Variants in DACH1 observed in about 807,000 individuals in gnomAD.
The protein encoded by DACH1 is dachshund homolog 1.
A neutral mutation model predicts 54.2 loss-of-function variants in DACH1; 12 were observed. The ratio of observed to expected loss-of-function variants is 0.22; its 90% confidence interval spans 0.14 to 0.36. The LOEUF (loss-of-function observed/expected upper bound fraction) is 0.36. Among genes scored for constraint, DACH1 ranks in the 10% least tolerant of loss-of-function variants. DACH1 has a pLI of 1.00. For synonymous variants in DACH1, 386 were observed against 366.2 expected (o/e 1.05, Z -0.62); for missense variants, 805 against 929.8 (o/e 0.87, Z 1.75).
chr13:71,752,525 A>G (rs1884974217), intron 1 of DACH1, among the ~76,000 whole-genome samples: 1 of 149,496 alleles, frequency 6.7e-6, no homozygotes, highest in African/African-American at 2.5e-5. Context: ...TTGCTCAGTT[A>G]CTTAGCTATA....
chr13:71,811,223 A>C (rs1256019762), intron 1 of DACH1, among the ~76,000 whole-genome samples: 2 of 152,152 alleles, frequency 1.3e-5, no homozygotes, highest in African/African-American at 4.8e-5. Flanking sequence ...ACATATACAA[A>C]CATAAAATGT....
chr13:71,459,184 G>C (rs1039949549), intron 10 of DACH1, among the ~76,000 whole-genome samples: 1 of 151,726 alleles, frequency 6.6e-6, no homozygotes, highest in Non-Finnish European at 1.5e-5. Context: ...GCAGGATCTT[G>C]GTGTCTTTAA....
At chr13:71,778,209 GAC>G (rs1886148246) in intron 1 of DACH1, among the ~76,000 whole-genome samples, 1 of 151,862 alleles carries the variant, frequency 6.6e-6, no homozygotes, top group Non-Finnish European at 1.5e-5. Context: ...ATTTACAAAA[GAC>G]AATGCATTGC....
intron 1 of DACH1, among the ~76,000 whole-genome samples, chr13:71,852,806 G>A (rs1873760558): frequency 6.6e-6 from 1 of 152,124 alleles, no homozygotes; most frequent in South Asian, 2.1e-4. Context: ...GTATAGAAAC[G>A]AAAGACACTT....
At chr13:71,541,948 T>TC (rs1491206984) in intron 6 of DACH1, among the ~76,000 whole-genome samples, 1 of 137,288 alleles carries the variant, frequency 7.3e-6, no homozygotes, top group Non-Finnish European at 1.5e-5. Flanking sequence ...TTTTTTTTTT[T>TC]CATCTTCACA....
At chr13:71,577,701 T>G (rs986570182) in intron 3 of DACH1, among the ~76,000 whole-genome samples, 1 of 152,230 alleles carries the variant, frequency 6.6e-6, no homozygotes, top group East Asian at 1.9e-4. Context: ...ATATTATAAA[T>G]CAAATTTTAG....
At chr13:71,577,463 G>T (rs771783323) in intron 3 of DACH1, among the ~76,000 whole-genome samples, 4 of 152,136 alleles carry the variant, frequency 2.6e-5, no homozygotes, top group Non-Finnish European at 5.9e-5. Context: ...GTTCATAAAT[G>T]AGTGTGGTCC....
intron 7 of DACH1, among the ~76,000 whole-genome samples, chr13:71,484,756 A>G (rs1487116304): frequency 6.6e-6 from 1 of 152,190 alleles, no homozygotes; most frequent in Non-Finnish European, 1.5e-5. Context: ...CCTATGTGCC[A>G]AAAGGTTCTA....
At chr13:71,790,037 G>T (rs368016540) in intron 1 of DACH1, among the ~76,000 whole-genome samples, 1 of 152,026 alleles carries the variant, frequency 6.6e-6, no homozygotes, top group Non-Finnish European at 1.5e-5. Flanking sequence ...TTTATATGCC[G>T]CTCCATCTGG....
At chr13:71,624,687 A>G (rs897221328) in intron 3 of DACH1, among the ~76,000 whole-genome samples, 2 of 151,988 alleles carry the variant, frequency 1.3e-5, no homozygotes, top group Non-Finnish European at 2.9e-5. Context: ...TGATACTGTA[A>G]TTGAACTGGA....
chr13:71,742,525 C>T (rs1463539745), intron 1 of DACH1, among the ~76,000 whole-genome samples: 4 of 151,970 alleles, frequency 2.6e-5, no homozygotes, highest in African/African-American at 2.4e-5. Context: ...TTCATATTTA[C>T]TCCATTGGGG....
rs987175579 is a variant in DACH1, at chr13:71,570,641, G to T, written c.1299+2199C>A. 4.6e-5 allele frequency among the ~76,000 whole-genome samples: 7 copies of T among 152,090 alleles called. No homozygotes were observed. In the East Asian group the frequency reaches 1.4e-3, roughly 29 times the overall value. ...GTGAGATATCTCTATGACTTAGTAG[G>T]TGTTGGCACATATCTTAAAACATAA... On this transcript the variant is annotated intron_variant, in intron 4 of 10. Coordinates refer to ENST00000613252, the MANE Select transcript of DACH1 (RefSeq NM_080759.6).
intron 1 of DACH1, among the ~76,000 whole-genome samples, chr13:71,807,890 C>A (rs1887573360): frequency 6.7e-6 from 1 of 148,852 alleles, no homozygotes; most frequent in African/African-American, 2.4e-5. Context: ...AAAAAGTCCT[C>A]ATTATTTGCA....
intron 2 of DACH1, among the ~76,000 whole-genome samples, chr13:71,667,921 AT>A (rs1344575834): frequency 1.3e-5 from 2 of 152,098 alleles, no homozygotes; most frequent in African/African-American, 4.8e-5. Flanking sequence ...CTACTTAAAC[AT>A]TTCTCCATAA....
At chr13:71,529,009 A>T (rs573200303) in intron 6 of DACH1, among the ~76,000 whole-genome samples, 185 of 152,214 alleles carry the variant, frequency 1.2e-3, no homozygotes, top group African/African-American at 4.4e-3. Flanking sequence ...TTAAGACGGG[A>T]CCTTTAATTG....
chr13:71,474,470 G>A (rs769632078), intron 10 of DACH1, among the ~76,000 whole-genome samples: 3 of 152,042 alleles, frequency 2.0e-5, no homozygotes, highest in South Asian at 2.1e-4. Context: ...TGAATTTGTC[G>A]TCTGGAATAG....
intron 3 of DACH1, among the ~76,000 whole-genome samples, chr13:71,616,786 A>G (rs1875801184): frequency 6.6e-6 from 1 of 152,058 alleles, no homozygotes; most frequent in South Asian, 2.1e-4. Flanking sequence ...GAATAGTGTA[A>G]AAGTGGGAAT....
At chr13:71,715,879 T>A (rs1215264868) in intron 1 of DACH1, among the ~76,000 whole-genome samples, 4 of 152,100 alleles carry the variant, frequency 2.6e-5, no homozygotes, top group African/African-American at 9.7e-5. Flanking sequence ...AGCTTATCAA[T>A]TATTAAAACA....
At chr13:71,658,863 C>T (rs1429465632) in intron 2 of DACH1, among the ~76,000 whole-genome samples, 1 of 152,042 alleles carries the variant, frequency 6.6e-6, no homozygotes, top group Non-Finnish European at 1.5e-5. Context: ...CATATACTTC[C>T]TTGATAATTG....
Sources: allele counts gnomAD v4.1 joint callset (sites outside exome capture counted in the v4.1 genomes callset), GRCh38; gene constraint gnomAD v4.1.1; transcripts MANE v1.5; gene names NCBI Gene and HGNC (gene_info 2026-07-23, HGNC 2026-07-21).